CPEB3: variants seen among roughly 807,000 people sequenced by gnomAD.
CPEB3 encodes the protein cytoplasmic polyadenylation element binding protein 3.
CPEB3 carries 20 observed loss-of-function variants against 67.2 expected under a neutral mutation model. The observed-to-expected ratio is 0.30, with a 90% CI of 0.21 to 0.43. The LOEUF (loss-of-function observed/expected upper bound fraction) is 0.43, where lower values mean the gene tolerates loss of function less well. Among genes scored for constraint, CPEB3 ranks in the 20% least tolerant of loss-of-function variants. The pLI is 1.00. For missense variants in CPEB3, 746 were observed against 968.6 expected (o/e 0.77, Z 3.05); for synonymous variants, 376 against 393.1 (o/e 0.96, Z 0.51).
Position 92,288,454 on chromosome 10 carries a change from CAA to C in CPEB3, c.-12+2470_-12+2471del, listed in dbSNP as rs367876455. Among the ~76,000 whole-genome samples, 158 of 112,954 alleles carry C rather than the reference CAA, an allele frequency of 1.4e-3. 1 individual carries two copies. Among genetic ancestry groups the C allele is most frequent in the South Asian group, 6.4e-3 (21 of 3,258 alleles). The allele number at this position is 112,954 out of a possible 152,430, so 74.1% of individuals were successfully genotyped here. A position where few individuals can be genotyped will look rare whatever the true frequency, so the allele number is the denominator to read the frequency against. On this transcript the variant is annotated intron_variant, in intron 1 of 9. Transcript: ENST00000265997. ...TGGATGACAAAGCGAGACTCTGTCT[CAA>C]AAAAAAAAAAAAAAAACCCAGAATA...
At chr10:92,238,415 T>C (rs560274085) in intron 2 of CPEB3, among the ~76,000 whole-genome samples, 2 of 152,320 alleles carry the variant, frequency 1.3e-5, no homozygotes, top group African/African-American at 4.8e-5. Context: ...CCTGAGTTTT[T>C]CATTGGCATT....
At chr10:92,147,016 C>T (rs1846716397) in intron 4 of CPEB3, among the ~76,000 whole-genome samples, 1 of 152,166 alleles carries the variant, frequency 6.6e-6, no homozygotes, top group Admixed American at 6.5e-5. Context: ...GTTCCCAAAC[C>T]CACCTCTTAC....
At chr10:92,102,755 T>C (rs1486431174) in intron 7 of CPEB3, among the ~76,000 whole-genome samples, 2 of 152,208 alleles carry the variant, frequency 1.3e-5, no homozygotes, top group Non-Finnish European at 2.9e-5. Flanking sequence ...TCTAAAGGCT[T>C]TTCTGACTGC....
Position 92,143,097 on chromosome 10 carries a change from C to T in CPEB3, c.1385G>A (p.Arg462His). 3.1e-6 allele frequency: 5 copies of T among 1,612,680 alleles called. No individual in the cohort carries two copies. Among genetic ancestry groups the T allele is most frequent in the Non-Finnish European group, 4.2e-6 (5 of 1,179,308 alleles). ...IDEDEITASFRRFGPLVVDWP... is the reference protein window; with the variant it reads ...IDEDEITASFHRFGPLVVDWP... ...GTCTACTACGAGAGGTCCAAACCTG[C>T]GAAAGCTGGCAGTGATCTCATCTAC... Residue 462 changes from arginine to histidine, a missense_variant, in exon 6 of 10, where the codon CGC becomes CAC. Around this residue, in one of 2 missense-constraint regions of CPEB3, gnomAD observed 643 missense variants for 717.5 expected, o/e 0.90. Transcript: ENST00000265997.
Position 92,095,860 on chromosome 10 carries a change from G to T in CPEB3, c.1573-3916C>A, listed in dbSNP as rs1336827317. On this transcript the variant is annotated intron_variant, in intron 7 of 9. Coordinates refer to ENST00000265997, the MANE Select transcript of CPEB3 (RefSeq NM_014912.5). ...GTGGGTTCTGAGTCTGCAAGGCAGG[G>T]TCAGCCAATCTCAAATAGAAAACTT... 3.3e-5 allele frequency among the ~76,000 whole-genome samples: 5 copies of T among 151,546 alleles called. No homozygotes were observed. The East Asian group carries it at 7.7e-4, about 23-fold the overall frequency.
intron 3 of CPEB3, among the ~76,000 whole-genome samples, chr10:92,181,957 G>A (rs909824280): frequency 1.3e-5 from 2 of 151,854 alleles, no homozygotes; most frequent in East Asian, 1.9e-4. Flanking sequence ...GGGACAAGGA[G>A]GTAGATGTAC....
chr10:92,105,435 A>G (rs1844396904), intron 7 of CPEB3, among the ~76,000 whole-genome samples: 1 of 151,848 alleles, frequency 6.6e-6, no homozygotes, highest in African/African-American at 2.4e-5. Context: ...ACCATTTCCC[A>G]TTTTTGTGTT....
chr10:92,214,650 T>A (rs1407399332), intron 2 of CPEB3, among the ~76,000 whole-genome samples: 2 of 151,818 alleles, frequency 1.3e-5, no homozygotes, highest in Non-Finnish European at 2.9e-5. Flanking sequence ...ATCTGGCTAA[T>A]TTTTTTTGTA....
At chr10:92,124,124 T>C (rs1041789199) in intron 6 of CPEB3, among the ~76,000 whole-genome samples, 4 of 152,206 alleles carry the variant, frequency 2.6e-5, no homozygotes, top group African/African-American at 7.2e-5. Context: ...CAGGAGGAGT[T>C]ATGACTTCTC....
At chr10:92,276,083 C>T (rs1425606035) in intron 1 of CPEB3, among the ~76,000 whole-genome samples, 4 of 151,228 alleles carry the variant, frequency 2.6e-5, no homozygotes, top group African/African-American at 4.9e-5. Flanking sequence ...CTCCTGACCT[C>T]GTGATCCACC....
chr10:92,096,901 G>A (rs1843907627), intron 7 of CPEB3, among the ~76,000 whole-genome samples: 1 of 152,168 alleles, frequency 6.6e-6, no homozygotes, highest in Non-Finnish European at 1.5e-5. Context: ...AGCAAAGATC[G>A]TGCCACTGTA....
Position 92,143,445 on chromosome 10 carries a change from G to C in CPEB3, c.1364-327C>G, listed in dbSNP as rs1433200849. 2.6e-5 allele frequency among the ~76,000 whole-genome samples: 4 copies of C among 152,106 alleles called. No individual in the cohort carries two copies. In the East Asian group the frequency reaches 7.7e-4, roughly 29 times the overall value. On this transcript the variant is annotated intron_variant, in intron 5 of 9. Transcript: ENST00000265997. ...TCAAATAGAAAGATTCTAAAAATAG[G>C]AATGTTCTCTGATTTTAGTAAGAAA...
intron 9 of CPEB3, among the ~76,000 whole-genome samples, chr10:92,055,030 A>C (rs1842059815): frequency 6.6e-6 from 1 of 152,232 alleles, no homozygotes; most frequent in South Asian, 2.1e-4. Flanking sequence ...AGACTTAATT[A>C]GTGCTCCATC....
chr10:92,114,512 A>G (rs1844907441), intron 6 of CPEB3, among the ~76,000 whole-genome samples: 1 of 152,258 alleles, frequency 6.6e-6, no homozygotes, highest in Non-Finnish European at 1.5e-5. Context: ...ATTCGGGTAC[A>G]AGTCCTAACA....
At chr10:92,159,658 C>T (rs1296259597) in intron 4 of CPEB3, among the ~76,000 whole-genome samples, 1 of 151,774 alleles carries the variant, frequency 6.6e-6, no homozygotes, top group African/African-American at 2.4e-5. Context: ...GGTGACAGAG[C>T]GAGACTCCGT....
intron 2 of CPEB3, among the ~76,000 whole-genome samples, chr10:92,215,738 G>C (rs1195541153): frequency 1.0e-5 from 1 of 96,292 alleles, no homozygotes; most frequent in Non-Finnish European, 2.2e-5. Context: ...ATGGCGCCTG[G>C]CTTTTTTTTT....
chr10:92,125,239 T>C (rs1245620623), intron 6 of CPEB3, among the ~76,000 whole-genome samples: 2 of 152,256 alleles, frequency 1.3e-5, no homozygotes, highest in African/African-American at 4.8e-5. Context: ...ACCTGGACCC[T>C]GTGCCCCTAG....
At chr10:92,217,039 T>TTA (rs1256903476) in intron 2 of CPEB3, among the ~76,000 whole-genome samples, 4 of 104,554 alleles carry the variant, frequency 3.8e-5, no homozygotes, top group Non-Finnish European at 7.9e-5. Context: ...ATGCTAAGAC[T>TTA]AAAAAAAAAA....
At chr10:92,183,257 T>C (rs1848542443) in intron 3 of CPEB3, among the ~76,000 whole-genome samples, 1 of 152,252 alleles carries the variant, frequency 6.6e-6, no homozygotes, top group East Asian at 1.9e-4. Flanking sequence ...TTTCAAAAAC[T>C]ACCCCATTGT....
Sources: allele counts gnomAD v4.1 joint callset (sites outside exome capture counted in the v4.1 genomes callset), GRCh38; gene constraint gnomAD v4.1.1; regional missense constraint gnomAD v4.1.1; transcripts MANE v1.5; gene names NCBI Gene and HGNC (gene_info 2026-07-23, HGNC 2026-07-21).